Variants in DSCAM observed in about 807,000 individuals in gnomAD.
The protein encoded by DSCAM is cell adhesion molecule DSCAM.
DSCAM carries 47 observed loss-of-function variants against 217.7 expected under a neutral mutation model. The ratio of observed to expected loss-of-function variants is 0.22; its 90% CI spans 0.17 to 0.28. The LOEUF is 0.28. DSCAM is among the 10% of genes least tolerant of loss of function. DSCAM has a pLI of 1.00. For synonymous variants in DSCAM, 1,056 were observed against 1,015.3 expected (o/e 1.04, Z -0.76); for missense variants, 2,080 against 2,618.3 (o/e 0.79, Z 4.49).
chr21:40,679,090 G>A (rs1411111796), intron 3 of DSCAM, among the ~76,000 whole-genome samples: 3 of 152,206 alleles, frequency 2.0e-5, no homozygotes, highest in Admixed American at 6.5e-5. Context: ...GGCTGCCCCT[G>A]ATTGGCCAAC....
Position 40,447,152 on chromosome 21 carries a change from G to A in DSCAM, c.509-77907C>T, listed in dbSNP as rs1368236239. Among the ~76,000 whole-genome samples the A allele has an allele frequency of 3.3e-5, 5 of 152,154 alleles. No individual in the cohort carries two copies. The East Asian group carries it at 9.6e-4, about 29-fold the overall frequency. On this transcript the variant is annotated intron_variant, in intron 3 of 32. Transcript: ENST00000400454. Reference sequence around the variant, plus strand: ...CACCAATGAACATTTCTTCCTCAGGGTGGAGGATTTACTAATCAGGCTAAG... The same window carrying A: ...CACCAATGAACATTTCTTCCTCAGGATGGAGGATTTACTAATCAGGCTAAG...
chr21:40,364,761 C>CATATAT (rs35060347), intron 4 of DSCAM, among the ~76,000 whole-genome samples: 8 of 139,600 alleles, frequency 5.7e-5, no homozygotes, highest in African/African-American at 1.6e-4. Context: ...AGTATATATA[C>CATATAT]ATATATATAT....
chr21:40,340,152 T>C (rs75505415), intron 6 of DSCAM, among the ~76,000 whole-genome samples: 3,271 of 152,256 alleles, frequency 0.021, 39 homozygotes, highest in African/African-American at 0.035. Flanking sequence ...GTATCTTAAG[T>C]AGGCTGGCCA....
chr21:40,037,574 G>A (rs1283327629), intron 32 of DSCAM, among the ~76,000 whole-genome samples: 1 of 149,182 alleles, frequency 6.7e-6, no homozygotes, highest in East Asian at 1.9e-4. Context: ...TTAATATCGT[G>A]AAAATGGCCA....
intron 15 of DSCAM, among the ~76,000 whole-genome samples, chr21:40,171,233 A>G (rs1027732601): frequency 6.6e-6 from 1 of 152,116 alleles, no homozygotes; most frequent in African/African-American, 2.4e-5. Context: ...GTGTGCCACC[A>G]CGCCTGGCTG....
At chr21:40,100,183 G>A (rs75908842) in intron 20 of DSCAM, among the ~76,000 whole-genome samples, 5,060 of 152,220 alleles carry the variant, frequency 0.033, 288 homozygotes, top group African/African-American at 0.12. Flanking sequence ...GCTATGGATG[G>A]TGCATAACTC....
At chr21:40,216,970 C>T (rs996155350) in intron 11 of DSCAM, among the ~76,000 whole-genome samples, 1 of 152,212 alleles carries the variant, frequency 6.6e-6, no homozygotes, top group South Asian at 2.1e-4. Flanking sequence ...GTCTGAAAAA[C>T]TGAACACAAC....
intron 3 of DSCAM, among the ~76,000 whole-genome samples, chr21:40,381,551 G>A (rs2075025742): frequency 6.6e-6 from 1 of 152,218 alleles, no homozygotes; most frequent in South Asian, 2.1e-4. Context: ...AACCCACAGT[G>A]ACTATGCTTA....
chr21:40,248,519 C>G (rs1358160777), intron 11 of DSCAM, among the ~76,000 whole-genome samples: 1 of 152,166 alleles, frequency 6.6e-6, no homozygotes, highest in Non-Finnish European at 1.5e-5. Flanking sequence ...ATAAGTGTCA[C>G]CTTTGCTCCA....
chr21:40,569,812 A>AT (rs945926114), intron 3 of DSCAM, among the ~76,000 whole-genome samples: 14 of 152,272 alleles, frequency 9.2e-5, no homozygotes, highest in East Asian at 7.7e-4. Context: ...TTTCCTACTT[A>AT]TTTTTTGTGT....
intron 1 of DSCAM, among the ~76,000 whole-genome samples, chr21:40,711,294 G>A (rs1326842214): frequency 2.6e-5 from 4 of 152,112 alleles, no homozygotes; most frequent in Admixed American, 6.5e-5. Flanking sequence ...TTGCTACTAA[G>A]TCTATGTGAT....
intron 3 of DSCAM, among the ~76,000 whole-genome samples, chr21:40,626,432 T>C (rs920515914): frequency 5.3e-5 from 8 of 152,340 alleles, no homozygotes; most frequent in African/African-American, 1.9e-4. Context: ...TAGTAGCAAG[T>C]GTGATCTTCT....
At chr21:40,611,184 G>A (rs977663696) in intron 3 of DSCAM, among the ~76,000 whole-genome samples, 9 of 150,054 alleles carry the variant, frequency 6.0e-5, no homozygotes, top group East Asian at 6.0e-4. Context: ...TCAGCCTCCC[G>A]GGTAGCTGGG....
intron 3 of DSCAM, among the ~76,000 whole-genome samples, chr21:40,394,719 G>C (rs542400226): frequency 6.6e-6 from 1 of 152,286 alleles, no homozygotes; most frequent in East Asian, 1.9e-4. Context: ...CCTTGATCTT[G>C]GGCTGAGGTT....
At chr21:40,081,154 C>A (rs1364380000) in intron 24 of DSCAM, among the ~76,000 whole-genome samples, 1 of 152,168 alleles carries the variant, frequency 6.6e-6, no homozygotes, top group African/African-American at 2.4e-5. Flanking sequence ...ATGTTCTTCA[C>A]CCCTGTGAAT....
At chr21:40,362,443 A>G (rs903631339) in intron 4 of DSCAM, among the ~76,000 whole-genome samples, 1 of 152,080 alleles carries the variant, frequency 6.6e-6, no homozygotes, top group South Asian at 2.1e-4. Context: ...TCTCTCTTTG[A>G]GAGGGGTGCT....
At chr21:40,188,234 G>A (rs1367492041) in intron 12 of DSCAM, among the ~76,000 whole-genome samples, 1 of 152,182 alleles carries the variant, frequency 6.6e-6, no homozygotes, top group Non-Finnish European at 1.5e-5. Context: ...GGATGGATAG[G>A]ATTCACGTAC....
At chr21:40,556,406 C>T (rs114169980) in intron 3 of DSCAM, among the ~76,000 whole-genome samples, 1 of 152,002 alleles carries the variant, frequency 6.6e-6, no homozygotes, top group African/African-American at 2.4e-5. Context: ...GAGAAAAAAA[C>T]GTTATTAAGA....
At chr21:40,076,973 A>G (rs924501531) in intron 26 of DSCAM, among the ~76,000 whole-genome samples, 2 of 152,234 alleles carry the variant, frequency 1.3e-5, no homozygotes, top group African/African-American at 4.8e-5. Context: ...CAAATAATTC[A>G]ACCATATTAC....
Sources: gnomAD v4.1 joint callset for allele counts (sites outside exome capture counted in the v4.1 genomes callset) on GRCh38, gnomAD v4.1.1 for gene constraint, MANE v1.5 for transcripts, NCBI Gene and HGNC (gene_info 2026-07-23, HGNC 2026-07-21) for gene names.